INTS6: variants seen among roughly 807,000 people sequenced by gnomAD.
INTS6 encodes DEAD box protein.
In INTS6, 16 loss-of-function variants were observed where a neutral mutation model predicts 104.9. The observed-to-expected ratio is 0.15, with a 90% confidence interval of 0.10 to 0.23. INTS6 has a LOEUF of 0.23. Ranked by LOEUF, INTS6 falls within the 10% of genes least tolerant of loss-of-function variation. INTS6 has a pLI of 1.00. For synonymous variants in INTS6, 324 were observed against 358.7 expected (o/e 0.90, Z 1.09); for missense variants, 584 against 1,062.8 (o/e 0.55, Z 6.26).
the INTS6 span, chr13:51,348,415 A>G: frequency 6.2e-7 from 1 of 1,612,110 alleles, no homozygotes. Flanking sequence ...TGCCCAGGTG[A>G]GCAGCTGAGT....
At chr13:51,379,278 A>G (rs543910078) in intron 11 of INTS6, among the ~76,000 whole-genome samples, 184 bp downstream of exon 11, 2 of 152,118 alleles carry the variant, frequency 1.3e-5, no homozygotes, top group South Asian at 4.1e-4. Flanking sequence ...TTTCAAATTA[A>G]TGTTTCAAAA....
At chr13:51,341,949 G>C in the INTS6 span, among the ~76,000 whole-genome samples, 29 of 152,274 alleles carry the variant, frequency 1.9e-4, no homozygotes, top group African/African-American at 5.1e-4. Context: ...CTTCTAGCCA[G>C]TGCCAGATCT....
At chr13:51,383,260 T>C (rs1956085423) in intron 9 of INTS6, 69 bp downstream of exon 9, 2 of 1,358,650 alleles carry the variant, frequency 1.5e-6, no homozygotes, top group Admixed American at 2.4e-5. Flanking sequence ...CAAGAAAAAC[T>C]ACAAAGAAAT....
At chr13:51,399,076 T>C (rs1426302350) in intron 4 of INTS6, among the ~76,000 whole-genome samples, 1 of 152,220 alleles carries the variant, frequency 6.6e-6, no homozygotes, top group Non-Finnish European at 1.5e-5. Context: ...ATTTTGAACT[T>C]TATAAAAATG....
chr13:51,443,913 T>C (rs1952844238), intron 3 of INTS6: 1 of 152,194 alleles, frequency 6.6e-6, no homozygotes, highest in African/African-American at 2.4e-5. Flanking sequence ...TGACCACAAA[T>C]GACCTTAATT....
intron 4 of INTS6, among the ~76,000 whole-genome samples, chr13:51,397,921 C>T (rs1324140393): frequency 6.6e-6 from 1 of 151,826 alleles, no homozygotes; most frequent in Non-Finnish European, 1.5e-5. Flanking sequence ...CTGTACAATG[C>T]TGAATCTAGA....
intron 4 of INTS6, chr13:51,402,584 T>G (rs1033657633): frequency 1.3e-5 from 2 of 152,214 alleles, no homozygotes; most frequent in Non-Finnish European, 2.9e-5. Flanking sequence ...TTTTCCATAT[T>G]GTTATTTTAA....
chr13:51,380,742 T>C (rs1261014111), intron 10 of INTS6, among the ~76,000 whole-genome samples: 1 of 152,210 alleles, frequency 6.6e-6, no homozygotes, highest in African/African-American at 2.4e-5. Flanking sequence ...TAAAAAGTTA[T>C]CTTTCACAAA....
chr13:51,400,588 T>C (rs572551358), intron 4 of INTS6, among the ~76,000 whole-genome samples: 59 of 152,306 alleles, frequency 3.9e-4, no homozygotes, highest in African/African-American at 1.4e-3. Flanking sequence ...CACCTCTTTC[T>C]TATATCGGGT....
chr13:51,380,370 T>C (rs749412853), intron 10 of INTS6, among the ~76,000 whole-genome samples: 1 of 152,176 alleles, frequency 6.6e-6, no homozygotes, highest in Non-Finnish European at 1.5e-5. Context: ...ATGATAATCA[T>C]TGACATATTA....
the INTS6 span, chr13:51,347,344 G>A: frequency 1.1e-6 from 1 of 919,114 alleles, no homozygotes. Context: ...TGTTTCCGCA[G>A]GGTCCATCTG....
intron 3 of INTS6, chr13:51,436,387 T>C (rs1289318531): frequency 2.0e-5 from 3 of 152,190 alleles, no homozygotes; most frequent in Non-Finnish European, 2.9e-5. Flanking sequence ...ATAAGAAATA[T>C]ATTTTTAGTT....
chr13:51,402,367 C>G (rs1956455217), intron 4 of INTS6, among the ~76,000 whole-genome samples: 1 of 152,152 alleles, frequency 6.6e-6, no homozygotes, highest in South Asian at 2.1e-4. Context: ...AAGTCTGGAA[C>G]ATCTAGGGAG....
chr13:51,450,851 G>C (rs1953027469), intron 3 of INTS6, 174 bp downstream of exon 3: 20 of 1,226,556 alleles, frequency 1.6e-5, no homozygotes, highest in Non-Finnish European at 2.0e-5. Flanking sequence ...GAAAAAATGA[G>C]GGATGTAAAA....
chr13:51,388,216 T>C (rs1956175144), intron 6 of INTS6, among the ~76,000 whole-genome samples: 1 of 152,116 alleles, frequency 6.6e-6, no homozygotes, highest in Non-Finnish European at 1.5e-5. Flanking sequence ...TGACACAACT[T>C]ATTGTTATCA....
At chr13:51,359,119 T>A (rs1252283875), downstream of INTS6, among the ~76,000 whole-genome samples, 1 of 152,066 alleles carries the variant, frequency 6.6e-6, no homozygotes, top group South Asian at 2.1e-4. Flanking sequence ...GAACAACTTT[T>A]GGGAAAATAG....
chr13:51,395,208 A>C (rs1427191209), intron 5 of INTS6, 92 bp downstream of exon 5: 1 of 1,276,574 alleles, frequency 7.8e-7, no homozygotes, highest in Non-Finnish European at 1.1e-6. Flanking sequence ...TTGTGAAATA[A>C]AAACAAACAT....
chr13:51,429,935 G>A (rs533140454), intron 4 of INTS6, among the ~76,000 whole-genome samples: 5 of 151,448 alleles, frequency 3.3e-5, no homozygotes, highest in East Asian at 3.9e-4. Flanking sequence ...GACTGCCAAC[G>A]ACAATCCACT....
rs375388073 is a variant in INTS6, at chr13:51,424,454, CTTCT to C, written c.429+5836_429+5839del. Among the ~76,000 whole-genome samples the C allele has an allele frequency of 1.7e-4, 26 of 151,952 alleles. No individual in the cohort carries two copies. The South Asian group carries it at 5.4e-3, about 32-fold the overall frequency. ...ATATTAAATTGAAATATTTCATCAA[CTTCT>C]TTAATTATGCATTATTATAATTACA... On this transcript the variant is annotated intron_variant, in intron 4 of 17. Coordinates refer to ENST00000311234, the MANE Select transcript of INTS6 (RefSeq NM_012141.3).
Sources: gnomAD v4.1 joint callset for allele counts (sites outside exome capture counted in the v4.1 genomes callset) on GRCh38, gnomAD v4.1.1 for gene constraint, MANE v1.5 for transcripts, NCBI Gene and HGNC (gene_info 2026-07-23, HGNC 2026-07-21) for gene names.